CAMTA1: variants seen among roughly 807,000 people sequenced by gnomAD.
The protein encoded by CAMTA1 is calmodulin binding transcription activator 1.
A neutral mutation model predicts 170.9 loss-of-function variants in CAMTA1; 27 were observed. That is an observed-to-expected ratio of 0.16 (90% CI 0.12 to 0.22). The LOEUF is 0.22. Ranked by LOEUF, CAMTA1 falls within the 10% of genes least tolerant of loss-of-function variation. The pLI is 1.00. For missense variants in CAMTA1, 1,619 were observed against 2,217.2 expected (o/e 0.73, Z 5.42); for synonymous variants, 833 against 891.5 (o/e 0.93, Z 1.17).
intron 5 of CAMTA1, among the ~76,000 whole-genome samples, chr1:7,363,087 G>A (rs17030726): frequency 0.026 from 3,981 of 152,258 alleles, 167 homozygotes; most frequent in African/African-American, 0.089. Context: ...TTTTAAATAG[G>A]GACATGATAC....
intron 3 of CAMTA1, among the ~76,000 whole-genome samples, chr1:6,837,236 G>A (rs181884552): frequency 9.9e-5 from 15 of 152,264 alleles, no homozygotes; most frequent in African/African-American, 2.9e-4. Flanking sequence ...GATTACAGGC[G>A]TGAGCCACCG....
chr1:7,134,906 T>C (rs1274971222), intron 4 of CAMTA1, among the ~76,000 whole-genome samples: 3 of 151,694 alleles, frequency 2.0e-5, no homozygotes, highest in African/African-American at 7.3e-5. Context: ...CTTCAACAGA[T>C]CAACAAGCAG....
At chr1:7,610,340 C>G (rs72630512) in intron 6 of CAMTA1, among the ~76,000 whole-genome samples, 1 of 152,088 alleles carries the variant, frequency 6.6e-6, no homozygotes, top group Non-Finnish European at 1.5e-5. Flanking sequence ...ATCACCAGGA[C>G]CTGCCTGGCT....
intron 5 of CAMTA1, among the ~76,000 whole-genome samples, chr1:7,448,189 A>G (rs999013208): frequency 1.3e-5 from 2 of 152,230 alleles, no homozygotes; most frequent in African/African-American, 4.8e-5. Context: ...GGAGGAGGGC[A>G]CAAAGATTGA....
intron 4 of CAMTA1, among the ~76,000 whole-genome samples, chr1:7,242,807 T>TAAATAAATAAAA (rs1219087291): frequency 1.5e-5 from 2 of 133,698 alleles, no homozygotes; most frequent in African/African-American, 5.3e-5. Context: ...AATAAATAAA[T>TAAATAAATAAAA]AAAAATTAGC....
At chr1:7,601,309 C>T (rs937742655) in intron 6 of CAMTA1, among the ~76,000 whole-genome samples, 23 of 150,710 alleles carry the variant, frequency 1.5e-4, no homozygotes, top group Admixed American at 5.3e-4. Flanking sequence ...TCAGACGGTG[C>T]GGCCGGGCAG....
At chr1:7,531,444 G>A (rs77869434) in intron 6 of CAMTA1, among the ~76,000 whole-genome samples, 8,319 of 152,292 alleles carry the variant, frequency 0.055, 346 homozygotes, top group African/African-American at 0.13. Context: ...GTGGGCCTCA[G>A]TGTCAACCAC....
Position 7,698,086 on chromosome 1 carries a change from C to CA in CAMTA1, c.2914+20353_2914+20354insA, listed in dbSNP as rs202074954. Among the ~76,000 whole-genome samples the CA allele has an allele frequency of 5.8e-3, 824 of 142,554 alleles. 10 individuals are homozygous for CA. Among genetic ancestry groups the CA allele is most frequent in the African/African-American group, 0.02 (778 of 38,816 alleles). 93.5% of individuals were successfully genotyped at this position (142,554 alleles called of 152,430 possible). A position where few individuals can be genotyped will look rare whatever the true frequency, so the allele number is the denominator to read the frequency against. ...GCCACGCACTGTGACCCCCCCCCCCCCCACCAACATGGCCTTAGACCTGTC... is the reference window on the plus strand; with the variant it reads ...GCCACGCACTGTGACCCCCCCCCCCCACCACCAACATGGCCTTAGACCTGTC... On this transcript the variant is annotated intron_variant, in intron 11 of 22. Coordinates refer to ENST00000303635, the MANE Select transcript of CAMTA1 (RefSeq NM_015215.4).
intron 5 of CAMTA1, among the ~76,000 whole-genome samples, chr1:7,313,999 C>A (rs1471938998): frequency 6.6e-6 from 1 of 152,202 alleles, no homozygotes; most frequent in African/African-American, 2.4e-5. Flanking sequence ...TCTAGATTCC[C>A]ACCCACAGCA....
intron 5 of CAMTA1, among the ~76,000 whole-genome samples, chr1:7,262,016 G>A (rs900902661): frequency 1.4e-4 from 21 of 152,328 alleles, no homozygotes; most frequent in African/African-American, 5.1e-4. Flanking sequence ...CCTTTTATAT[G>A]ATGTGGTGCC....
At chr1:7,101,117 G>A (rs1050838537) in intron 4 of CAMTA1, among the ~76,000 whole-genome samples, 1 of 152,178 alleles carries the variant, frequency 6.6e-6, no homozygotes, top group African/African-American at 2.4e-5. Flanking sequence ...CGTGTCCATC[G>A]ATGGTCATTT....
intron 6 of CAMTA1, among the ~76,000 whole-genome samples, chr1:7,576,572 G>A (rs2095196132): frequency 6.6e-6 from 1 of 152,206 alleles, no homozygotes; most frequent in Non-Finnish European, 1.5e-5. Context: ...ACACTGAATT[G>A]ATGGTGCCTT....
At chr1:7,705,006 T>A (rs2096495337) in intron 11 of CAMTA1, among the ~76,000 whole-genome samples, 1 of 122,058 alleles carries the variant, frequency 8.2e-6, no homozygotes, top group South Asian at 2.7e-4. Flanking sequence ...ACACGCGTGC[T>A]CGCGGGCCGG....
chr1:7,737,063 G>T, intron 14 of CAMTA1, 54 bp downstream of exon 14: 1 of 1,451,776 alleles, frequency 6.9e-7, no homozygotes, highest in Non-Finnish European at 9.7e-7. Flanking sequence ...TCTGGCATAG[G>T]ATTTGCCTGG....
At chr1:6,990,568 C>T (rs1696184974) in intron 3 of CAMTA1, among the ~76,000 whole-genome samples, 1 of 151,980 alleles carries the variant, frequency 6.6e-6, no homozygotes, top group South Asian at 2.1e-4. Flanking sequence ...TTAAGTGTGC[C>T]GTGCGATGAG....
intron 9 of CAMTA1, among the ~76,000 whole-genome samples, chr1:7,669,890 G>A (rs1015107514): frequency 1.3e-5 from 2 of 152,202 alleles, no homozygotes; most frequent in South Asian, 2.1e-4. Context: ...CGTCCACCTC[G>A]CACCTCCCTC....
At chr1:7,716,157 A>G (rs2096608473) in intron 11 of CAMTA1, among the ~76,000 whole-genome samples, 1 of 152,078 alleles carries the variant, frequency 6.6e-6, no homozygotes, top group African/African-American at 2.4e-5. Flanking sequence ...CTCAGCCTCC[A>G]GAGTAGCTGG....
chr1:7,268,937 A>G (rs1051913328), intron 5 of CAMTA1, among the ~76,000 whole-genome samples: 12 of 152,254 alleles, frequency 7.9e-5, no homozygotes, highest in Admixed American at 4.6e-4. Context: ...TGAGGTGAGA[A>G]CCATAATATA....
At chr1:7,727,190 T>C (rs1269428996) in intron 11 of CAMTA1, among the ~76,000 whole-genome samples, 1 of 150,308 alleles carries the variant, frequency 6.7e-6, no homozygotes, top group African/African-American at 2.5e-5. Context: ...TGGCGCGATC[T>C]CGGCTCACTG....
Sources: gnomAD v4.1 joint callset for allele counts (sites outside exome capture counted in the v4.1 genomes callset) on GRCh38, gnomAD v4.1.1 for gene constraint, MANE v1.5 for transcripts, NCBI Gene and HGNC (gene_info 2026-07-23, HGNC 2026-07-21) for gene names.